SIPA1L1: variants seen among roughly 807,000 people sequenced by gnomAD.
SIPA1L1 encodes signal induced proliferation associated 1 like 1.
Under a neutral mutation model 162.7 loss-of-function variants are expected in SIPA1L1, and 26 were observed. That is an observed-to-expected ratio of 0.16 (90% CI 0.12 to 0.22). The LOEUF is 0.22. Ranked by LOEUF, SIPA1L1 falls within the 10% of genes least tolerant of loss-of-function variation. The pLI is 1.00. For synonymous variants in SIPA1L1, 829 were observed against 837.4 expected (o/e 0.99, Z 0.17); for missense variants, 1,874 against 2,241.0 (o/e 0.84, Z 3.31).
Position 71,637,095 on chromosome 14 carries a change from A to AT in SIPA1L1, c.1818+12859_1818+12860insT, listed in dbSNP as rs1394936164. 7.7e-4 allele frequency among the ~76,000 whole-genome samples: 98 copies of AT among 126,856 alleles called. No individual in the cohort carries two copies. In the East Asian group the frequency reaches 0.014, roughly 18 times the overall value. The allele number at this position is 126,856 out of a possible 152,430, so 83.2% of individuals were successfully genotyped here. The stretch of plus-strand genomic sequence containing the variant: ...GCTACATCTTTGGGGTTTAAAAAAA[A>AT]ATTTTTTTTTTTTCATAAAACCCAG... On this transcript the variant is annotated intron_variant, in intron 7 of 23. Coordinates refer to ENST00000381232, the MANE Select transcript of SIPA1L1 (RefSeq NM_001386936.1).
intron 5 of SIPA1L1, among the ~76,000 whole-genome samples, chr14:71,590,044 A>AATATATATATATATATATAT (rs58833289): frequency 8.4e-5 from 5 of 59,578 alleles, no homozygotes; most frequent in Non-Finnish European, 1.4e-4. Flanking sequence ...AAAAAAAAAA[A>AATATATATATATATATATAT]ATATATATAT....
intron 2 of SIPA1L1, among the ~76,000 whole-genome samples, chr14:71,344,690 G>T (rs1014806032): frequency 5.9e-5 from 9 of 152,116 alleles, no homozygotes; most frequent in Admixed American, 1.3e-4. Context: ...TTCCTGAGTT[G>T]CTGGGACTGT....
chr14:71,534,495 C>T (rs1377205341), intron 4 of SIPA1L1, among the ~76,000 whole-genome samples: 1 of 152,106 alleles, frequency 6.6e-6, no homozygotes, highest in East Asian at 1.9e-4. Flanking sequence ...GTGATTATAT[C>T]TTATTCCATC....
chr14:71,369,780 C>A (rs1218550054), intron 2 of SIPA1L1, among the ~76,000 whole-genome samples: 1 of 148,182 alleles, frequency 6.7e-6, no homozygotes, highest in Admixed American at 6.9e-5. Context: ...GATATTGATT[C>A]TTCCTATCCA....
intron 2 of SIPA1L1, among the ~76,000 whole-genome samples, chr14:71,429,255 C>G (rs536649848): frequency 6.6e-6 from 1 of 152,088 alleles, no homozygotes; most frequent in Non-Finnish European, 1.5e-5. Flanking sequence ...CTGTTTCCTC[C>G]CCACTTCCCT....
At chr14:71,688,992 C>T (rs2081067811) in intron 13 of SIPA1L1, among the ~76,000 whole-genome samples, 1 of 152,168 alleles carries the variant, frequency 6.6e-6, no homozygotes, top group Non-Finnish European at 1.5e-5. Flanking sequence ...CTTAAGTAAC[C>T]ATGGATGGAT....
intron 2 of SIPA1L1, among the ~76,000 whole-genome samples, chr14:71,323,616 C>G (rs552022675): frequency 1.3e-5 from 2 of 152,100 alleles, no homozygotes; most frequent in Non-Finnish European, 2.9e-5. Context: ...AGAACTAGAG[C>G]GCTGATAGAG....
At chr14:71,415,688 C>A (rs959267633) in intron 2 of SIPA1L1, among the ~76,000 whole-genome samples, 2 of 151,934 alleles carry the variant, frequency 1.3e-5, no homozygotes, top group Admixed American at 1.3e-4. Flanking sequence ...GTGCAGTTCT[C>A]AAATGTCTTA....
At chr14:71,399,955 A>G (rs1345417791) in intron 2 of SIPA1L1, among the ~76,000 whole-genome samples, 1 of 151,788 alleles carries the variant, frequency 6.6e-6, no homozygotes. Flanking sequence ...TCCTGACCCC[A>G]AGTGATCCAC....
intron 10 of SIPA1L1, among the ~76,000 whole-genome samples, chr14:71,664,714 A>C (rs1296442029): frequency 6.6e-6 from 1 of 152,176 alleles, no homozygotes; most frequent in Non-Finnish European, 1.5e-5. Context: ...CTTGGTCCCA[A>C]CTTTCTCCAC....
At chr14:71,367,381 A>G (rs1253482893) in intron 2 of SIPA1L1, among the ~76,000 whole-genome samples, 1 of 143,492 alleles carries the variant, frequency 7.0e-6, no homozygotes, top group African/African-American at 2.6e-5. Context: ...ATCTCTGCTC[A>G]CTGTAAACTC....
chr14:71,712,639 T>TAGGC (rs947687207), intron 17 of SIPA1L1, among the ~76,000 whole-genome samples: 3 of 152,174 alleles, frequency 2.0e-5, no homozygotes, highest in Non-Finnish European at 4.4e-5. Flanking sequence ...GCCTTGGCAG[T>TAGGC]AGGCAGTGCC....
chr14:71,320,682 C>T (rs1425855056), intron 1 of SIPA1L1, 179 bp downstream of exon 1: 3 of 148,042 alleles, frequency 2.0e-5, no homozygotes, highest in African/African-American at 7.5e-5. Flanking sequence ...TCCCCTCCCC[C>T]ATGCGGTACG....
At chr14:71,731,379 G>A (rs1230513287) in intron 20 of SIPA1L1, among the ~76,000 whole-genome samples, 1 of 152,052 alleles carries the variant, frequency 6.6e-6, no homozygotes, top group Admixed American at 6.5e-5. Context: ...CTAAAATCTG[G>A]GTTGTCTTTG....
At chr14:71,523,609 A>G (rs1376609409) in intron 3 of SIPA1L1, among the ~76,000 whole-genome samples, 1 of 152,182 alleles carries the variant, frequency 6.6e-6, no homozygotes, top group African/African-American at 2.4e-5. Flanking sequence ...CAAACATTAC[A>G]GTTAGTTATG....
chr14:71,524,754 T>G (rs1173666351), intron 3 of SIPA1L1, among the ~76,000 whole-genome samples: 1 of 152,154 alleles, frequency 6.6e-6, no homozygotes, highest in Admixed American at 6.5e-5. Flanking sequence ...TGGCCACATC[T>G]CAGTTTTAGC....
At chr14:71,390,931 A>T (rs1269876973) in intron 2 of SIPA1L1, among the ~76,000 whole-genome samples, 1 of 152,100 alleles carries the variant, frequency 6.6e-6, no homozygotes, top group Non-Finnish European at 1.5e-5. Context: ...TGCGGTGACA[A>T]TATATCTTGC....
At chr14:71,579,958 G>A (rs971564903) in intron 4 of SIPA1L1, among the ~76,000 whole-genome samples, 2 of 152,150 alleles carry the variant, frequency 1.3e-5, no homozygotes, top group East Asian at 1.9e-4. Context: ...ATAGAGACTT[G>A]AGGATAGAGA....
chr14:71,536,814 T>C (rs2053944538), intron 4 of SIPA1L1, among the ~76,000 whole-genome samples: 1 of 152,250 alleles, frequency 6.6e-6, no homozygotes, highest in Non-Finnish European at 1.5e-5. Context: ...ATGTTGATTC[T>C]CTGGCGTTAT....
Sources: gnomAD v4.1 joint callset for allele counts (sites outside exome capture counted in the v4.1 genomes callset) on GRCh38, gnomAD v4.1.1 for gene constraint, MANE v1.5 for transcripts, NCBI Gene and HGNC (gene_info 2026-07-23, HGNC 2026-07-21) for gene names.